Variants in NBAS observed in about 807,000 individuals in gnomAD.
NBAS encodes the protein NBAS subunit of NRZ tethering complex.
Under a neutral mutation model 302.5 loss-of-function variants are expected in NBAS, and 219 were observed. That is an observed-to-expected ratio of 0.72 (90% confidence interval 0.65 to 0.81). The LOEUF (loss-of-function observed/expected upper bound fraction) is 0.81, where lower values mean the gene tolerates loss of function less well. NBAS is among the 30% of genes least tolerant of loss of function. The probability of loss-of-function intolerance (pLI) is 0.00; values close to 1 mark genes in which losing one functional copy is unlikely to be tolerated. For missense variants in NBAS, 2,932 were observed against 2,841.6 expected (o/e 1.03, Z -0.72); for synonymous variants, 1,118 against 1,021.6 (o/e 1.09, Z -1.80).
the NBAS span, among the ~76,000 whole-genome samples, chr2:14,797,184 G>A: frequency 6.6e-6 from 1 of 151,932 alleles, no homozygotes; most frequent in South Asian, 2.1e-4. Context: ...CCCACCTTCG[G>A]GTAGGCGTTG....
At chr2:15,407,248 T>C (rs1478222103) in intron 25 of NBAS, among the ~76,000 whole-genome samples, 3 of 152,132 alleles carry the variant, frequency 2.0e-5, no homozygotes, top group African/African-American at 7.2e-5. Flanking sequence ...GAGAGGTACT[T>C]TTCACTTCCT....
In NBAS at chr2:15,394,304, T is replaced by C. The variant is rs202192997; in HGVS notation, c.3180A>G (p.Ser1060=). The C allele has an allele frequency of 2.9e-5, 47 of 1,613,318 alleles. No homozygotes were observed. The African/African-American group carries it at 5.3e-4, about 18-fold the overall frequency. ...LEKHGLEKPI[S]FVKNTQSSSE... ...AGCTAGATTGAGTGTTTTTAACAAATGAAATTGGTTTCTCGAGTCCATGTT... is the reference window on the plus strand; with the variant it reads ...AGCTAGATTGAGTGTTTTTAACAAACGAAATTGGTTTCTCGAGTCCATGTT... The change falls in exon 28 of 52, where the codon TCA becomes TCG. Residue 1060 remains serine (S), a synonymous_variant. Transcript: ENST00000281513.
chr2:14,971,085 A>G, the NBAS span, among the ~76,000 whole-genome samples: 1 of 152,206 alleles, frequency 6.6e-6, no homozygotes, highest in African/African-American at 2.4e-5. Context: ...CATTTTTCTC[A>G]TAACTACAAA....
At chr2:15,192,185 T>C (rs772656861) in intron 48 of NBAS, among the ~76,000 whole-genome samples, 9 of 152,158 alleles carry the variant, frequency 5.9e-5, no homozygotes, top group Non-Finnish European at 1.2e-4. Flanking sequence ...AAATGTAAGA[T>C]TGCCTTTCTT....
At chr2:14,825,665 T>C in the NBAS span, among the ~76,000 whole-genome samples, 1 of 152,188 alleles carries the variant, frequency 6.6e-6, no homozygotes, top group African/African-American at 2.4e-5. Context: ...ATGGTCCCTG[T>C]ATTCCAGCAA....
chr2:15,024,092 T>C, the NBAS span, among the ~76,000 whole-genome samples: 1 of 151,984 alleles, frequency 6.6e-6, no homozygotes, highest in Admixed American at 6.6e-5. Context: ...TACCCAAGGG[T>C]TTTGTTTTTT....
intron 9 of NBAS, among the ~76,000 whole-genome samples, chr2:15,513,503 T>G (rs1662238336): frequency 6.6e-6 from 1 of 152,042 alleles, no homozygotes; most frequent in Non-Finnish European, 1.5e-5. Context: ...AACTCTCAAT[T>G]TGGAGAAAAT....
At chr2:14,919,845 C>G in the NBAS span, among the ~76,000 whole-genome samples, 39 of 152,260 alleles carry the variant, frequency 2.6e-4, no homozygotes, top group African/African-American at 8.9e-4. Context: ...GTTATTTCTA[C>G]CATATCTGCA....
At chr2:15,137,973 C>A in the NBAS span, among the ~76,000 whole-genome samples, 1 of 152,064 alleles carries the variant, frequency 6.6e-6, no homozygotes, top group Admixed American at 6.6e-5. Flanking sequence ...ATCAAGAGCC[C>A]GAAATCAGTC....
chr2:15,377,963 T>C (rs920632356), intron 30 of NBAS, among the ~76,000 whole-genome samples: 21 of 152,210 alleles, frequency 1.4e-4, no homozygotes, highest in African/African-American at 4.3e-4. Context: ...TAATCTCTTA[T>C]AGACTGTTAA....
chr2:15,270,115 C>T (rs1418715794), intron 44 of NBAS, among the ~76,000 whole-genome samples: 1 of 152,138 alleles, frequency 6.6e-6, no homozygotes, highest in Admixed American at 6.5e-5. Context: ...ATTAAATATG[C>T]TATTCATGTC....
chr2:15,280,802 T>C (rs1669791809), intron 42 of NBAS, among the ~76,000 whole-genome samples: 1 of 152,178 alleles, frequency 6.6e-6, no homozygotes, highest in Non-Finnish European at 1.5e-5. Flanking sequence ...CACCATTGAC[T>C]ACTGAGCAAC....
intron 21 of NBAS, among the ~76,000 whole-genome samples, chr2:15,428,533 T>A (rs138634536): frequency 6.6e-6 from 1 of 152,132 alleles, no homozygotes; most frequent in East Asian, 1.9e-4. Context: ...AGTTCAAGGC[T>A]AGCCTAGGCA....
At chr2:15,044,154 C>T in the NBAS span, among the ~76,000 whole-genome samples, 2 of 151,532 alleles carry the variant, frequency 1.3e-5, no homozygotes, top group Admixed American at 1.3e-4. Flanking sequence ...CTTAAATATA[C>T]AATTTAGACA....
the NBAS span, among the ~76,000 whole-genome samples, chr2:15,159,795 ACACGCGTG>A: frequency 7.7e-6 from 1 of 129,306 alleles, no homozygotes; most frequent in Non-Finnish European, 1.6e-5. Context: ...ATACACACAC[ACACGCGTG>A]CACACACACA....
chr2:15,177,059 C>T (rs545480971), intron 51 of NBAS, among the ~76,000 whole-genome samples: 68 of 152,288 alleles, frequency 4.5e-4, no homozygotes, highest in Non-Finnish European at 6.2e-4. Flanking sequence ...AGTCTCATTA[C>T]CGAATTTCTA....
intron 43 of NBAS, 112 bp from the exon 44 acceptor site, chr2:15,275,930 A>C (rs1408471516): frequency 1.1e-6 from 1 of 915,106 alleles, no homozygotes; most frequent in East Asian, 2.6e-5. Context: ...AGATCTATCA[A>C]CTTAGCTCTA....
chr2:15,190,233 C>A (rs568986639), intron 49 of NBAS, 31 bp downstream of exon 49: 1 of 1,612,674 alleles, frequency 6.2e-7, no homozygotes, highest in Non-Finnish European at 8.5e-7. Flanking sequence ...CAAAAGAACT[C>A]TAATTACGCT....
the NBAS span, among the ~76,000 whole-genome samples, chr2:15,134,000 C>A: frequency 6.6e-6 from 1 of 151,426 alleles, no homozygotes; most frequent in Non-Finnish European, 1.5e-5. Context: ...ATGCCCACTG[C>A]CTGCAACTCT....
Sources: allele counts gnomAD v4.1 joint callset (sites outside exome capture counted in the v4.1 genomes callset), GRCh38; gene constraint gnomAD v4.1.1; transcripts MANE v1.5; gene names NCBI Gene and HGNC (gene_info 2026-07-23, HGNC 2026-07-21).